The following ZNF648 variants were observed in gnomAD, a reference collection of about 807,000 sequenced individuals.
The protein encoded by ZNF648 is zinc finger protein 648.
A neutral mutation model predicts 0.3 loss-of-function variants in ZNF648; 1 was observed. The observed-to-expected ratio is 3.90, with a 90% CI of 1.39 to 18.51. ZNF648 has a LOEUF of 18.51. Ranked by LOEUF, ZNF648 falls within the 30% of genes most tolerant of loss-of-function variation. ZNF648 has a pLI of 0.11. For missense variants in ZNF648, 874 were observed against 769.7 expected (o/e 1.14, Z -1.60); for synonymous variants, 376 against 326.8 (o/e 1.15, Z -1.62).
At chr1:182,061,001 C>A (rs1190602901) in intron 1 of ZNF648, among the ~76,000 whole-genome samples, 1 of 152,158 alleles carries the variant, frequency 6.6e-6, no homozygotes, top group Non-Finnish European at 1.5e-5. Context: ...GCACACAGCC[C>A]TCCACTAGCT....
chr1:182,065,359 T>C (rs1666085172), upstream of ZNF648, among the ~76,000 whole-genome samples: 1 of 152,218 alleles, frequency 6.6e-6, no homozygotes, highest in Non-Finnish European at 1.5e-5. Context: ...CCAGAAGGCA[T>C]TCTTCTCCCT....
the ZNF648 span, among the ~76,000 whole-genome samples, chr1:182,067,686 A>C: frequency 6.6e-6 from 1 of 152,224 alleles, no homozygotes; most frequent in African/African-American, 2.4e-5. Context: ...ATTGCACTAT[A>C]GTGACCCTGC....
Position 182,056,482 on chromosome 1 carries a change from C to T in ZNF648, c.1529G>A (p.Gly510Asp), listed in dbSNP as rs1665911912. 1 of 1,613,862 alleles carries T rather than the reference C, an allele frequency of 6.2e-7. No individual in the cohort carries two copies. The highest frequency in any genetic ancestry group is 2.2e-5 in the East Asian group (1 of 44,858). The change falls in exon 2 of 2, where the codon GGC becomes GAC. Residue 510 changes from glycine (G) to aspartate (D), a missense_variant. Gly to Asp is a moderately conservative substitution (Grantham distance 94, BLOSUM62 -1). Transcript: ENST00000339948. The part of the protein sequence containing the change: ...GEKGFLCAEC[G>D]RAFRIASELA... ...CTCAGAGGCAATGCGGAAGGCCCTG[C>T]CGCACTCGGCACAGAGGAATCCCTT...
At position 182,056,544 on chromosome 1, in the gene ZNF648, C is replaced by T. The variant is rs749359766; in HGVS notation, c.1467G>A (p.Ser489=). The change falls in exon 2 of 2, where the codon TCG becomes TCA. Residue 489 remains serine (S), a synonymous_variant. Transcript: ENST00000339948. Reference sequence around the variant, plus strand: ...GGATCTGTTGGTGCCGCTTCAGGGTCGAAGAGCGGGCAAAGGCCTGGCCAC... The same window carrying T: ...GGATCTGTTGGTGCCGCTTCAGGGTTGAAGAGCGGGCAAAGGCCTGGCCAC... ...TQCGQAFARS[S]TLKRHQQIHS... 1 of 1,614,026 alleles carries T rather than the reference C, an allele frequency of 6.2e-7. No individual in the cohort carries two copies. Among genetic ancestry groups the T allele is most frequent in the Non-Finnish European group, 8.5e-7 (1 of 1,179,970 alleles).
At chr1:182,058,330 G>A (rs1665975466) in intron 1 of ZNF648, among the ~76,000 whole-genome samples, 1 of 152,144 alleles carries the variant, frequency 6.6e-6, no homozygotes, top group African/African-American at 2.4e-5. Flanking sequence ...TTTGCTGGGT[G>A]CCAGCTGTGC....
At chr1:182,058,450 C>T (rs534068956) in intron 1 of ZNF648, among the ~76,000 whole-genome samples, 3 of 152,274 alleles carry the variant, frequency 2.0e-5, no homozygotes, top group East Asian at 3.9e-4. Context: ...CCTCCTAAGA[C>T]ACTCTTACAG....
chr1:182,056,128 C>T lies in ZNF648; in HGVS notation c.*176G>A. On this transcript the variant is annotated 3_prime_UTR_variant, in exon 2 of 2. Coordinates refer to ENST00000339948, the MANE Select transcript of ZNF648 (RefSeq NM_001009992.1). ...CTCAGAACCACTGATGTGAAACCAC[C>T]CACCTGGGTGCTCTCTCGGTGGTGA... 1.2e-6 allele frequency: 1 copy of T among 846,082 alleles called. No homozygotes were observed. Among genetic ancestry groups the T allele is most frequent in the Admixed American group, 3.0e-5 (1 of 33,148 alleles). 52.4% of individuals were successfully genotyped at this position (846,082 alleles called of 1,614,324 possible). A position where few individuals can be genotyped will look rare whatever the true frequency, so the allele number is the denominator to read the frequency against.
At position 182,056,919 on chromosome 1, in the gene ZNF648, G is replaced by C. The variant is rs966823499; in HGVS notation, c.1092C>G (p.Phe364Leu). The C allele has an allele frequency of 6.2e-7, 1 of 1,606,012 alleles. No homozygotes were observed. The highest frequency in any genetic ancestry group is 8.5e-7 in the Non-Finnish European group (1 of 1,176,512). Residue 364 changes from phenylalanine to leucine, a missense_variant, in exon 2 of 2, where the codon TTC becomes TTG. Coordinates refer to ENST00000339948, the MANE Select transcript of ZNF648 (RefSeq NM_001009992.1). ...AGGTCAGGCCGCACTCGGAGCACGG[G>C]AAGGGCTTATTGTTGCTGTGCATGT... Reference protein sequence around the residue: ...QRNMHSNNKPFPCSECGLTFN... With the variant: ...QRNMHSNNKPLPCSECGLTFN...
chr1:182,056,877 C>T lies in ZNF648; in HGVS notation c.1134G>A (p.Ser378=). 6.3e-7 allele frequency: 1 copy of T among 1,575,856 alleles called. No individual in the cohort carries two copies. The highest frequency in any genetic ancestry group is 1.2e-5 in the South Asian group (1 of 86,952). ...ECGLTFNKPL[S]LLRHQRTHLG... ...GGTGCGTGCGCTGGTGGCGCAGCAG[C>T]GACAGCGGCTTGTTGAAGGTCAGGC... The change falls in exon 2 of 2, where the codon TCG becomes TCA. Residue 378 remains serine (S), a synonymous_variant. Coordinates refer to ENST00000339948, the MANE Select transcript of ZNF648 (RefSeq NM_001009992.1).
At chr1:182,059,606 C>T (rs1339298372) in intron 1 of ZNF648, among the ~76,000 whole-genome samples, 1 of 152,124 alleles carries the variant, frequency 6.6e-6, no homozygotes, top group Non-Finnish European at 1.5e-5. Flanking sequence ...TCTCAGCAAA[C>T]TTTAAGATAG....
In ZNF648 at chr1:182,057,728, C is replaced by G; in HGVS notation, c.283G>C (p.Val95Leu). The G allele has an allele frequency of 1.2e-6, 2 of 1,614,234 alleles. No homozygotes were observed. Among genetic ancestry groups the G allele is most frequent in the Non-Finnish European group, 1.7e-6 (2 of 1,180,058 alleles). Residue 95 changes from valine (V) to leucine (L), a missense_variant, in exon 2 of 2, where the codon GTG (valine) becomes CTG (leucine). Physicochemically the swap from Val to Leu is conservative, Grantham distance 32. Transcript: ENST00000339948. ...SSAGGMGQKP[V>L]EMSGKASWSR... ...CAACTGGCTTTCCCAGACATTTCCA[C>G]TGGTTTCTGCCCCATGCCCCCAGCA...
At chr1:182,068,539 G>A in the ZNF648 span, among the ~76,000 whole-genome samples, 14 of 152,310 alleles carry the variant, frequency 9.2e-5, no homozygotes, top group Non-Finnish European at 1.9e-4. Flanking sequence ...AATGAAGACT[G>A]TATCTCATAG....
chr1:182,054,730 TAC>T lies in ZNF648; in HGVS notation c.*1572_*1573del, dbSNP rs1454100101. 1.3e-5 allele frequency: 2 copies of T among 152,252 alleles called. No individual in the cohort carries two copies. Among genetic ancestry groups the T allele is most frequent in the Non-Finnish European group, 2.9e-5 (2 of 68,050 alleles). The allele number at this position is 152,252 out of a possible 1,614,324, so 9.4% of individuals were successfully genotyped here. A position where few individuals can be genotyped will look rare whatever the true frequency, so the allele number is the denominator to read the frequency against. On this transcript the variant is annotated 3_prime_UTR_variant, in exon 2 of 2. Coordinates refer to ENST00000339948, the MANE Select transcript of ZNF648 (RefSeq NM_001009992.1). The stretch of plus-strand genomic sequence containing the variant: ...TAGGATCACTCTAACTTTTACCTAC[TAC>T]TATCACTTCTATTTTGCCAATGCAG...
At chr1:182,059,597 C>T (rs892313051) in intron 1 of ZNF648, among the ~76,000 whole-genome samples, 2 of 152,136 alleles carry the variant, frequency 1.3e-5, no homozygotes, top group African/African-American at 4.8e-5. Flanking sequence ...ATTTATTCCT[C>T]TCAGCAAACT....
intron 1 of ZNF648, among the ~76,000 whole-genome samples, chr1:182,059,803 CAAA>C (rs11439786): frequency 7.3e-6 from 1 of 136,902 alleles, no homozygotes. Flanking sequence ...GACTACATCT[CAAA>C]AAAAAAAAAA....
At position 182,057,972 on chromosome 1, in the gene ZNF648, C is replaced by A. The variant is rs745846743; in HGVS notation, c.39G>T (p.Ala13=). 4 of 1,612,790 alleles carry A rather than the reference C, an allele frequency of 2.5e-6. No homozygotes were observed. The highest frequency in any genetic ancestry group is 3.4e-6 in the Non-Finnish European group (4 of 1,179,356). ...QVDSQDRWGE[A]SPLSSLTEEA... ...CCTCAGTCAAGCTGCTGAGAGGAGA[C>A]GCCTCTCCCCACCTGTCCTGGGAGT... Residue 13 remains alanine (A), a synonymous_variant, in exon 2 of 2, where the codon GCG becomes GCT. Transcript: ENST00000339948.
chr1:182,057,548 C>A lies in ZNF648; in HGVS notation c.463G>T (p.Ala155Ser). 3 of 1,614,210 alleles carry A rather than the reference C, an allele frequency of 1.9e-6. No individual in the cohort carries two copies. Among genetic ancestry groups the A allele is most frequent in the Non-Finnish European group, 2.5e-6 (3 of 1,180,038 alleles). The stretch of plus-strand genomic sequence containing the variant: ...ACATCCAAGACTGCGTCCTGGTTTG[C>A]CCCCGAGTATCCATCATCACCCGCA... Reference protein sequence around the residue: ...LPAGDDGYSGANQDAVLDVPP... With the variant: ...LPAGDDGYSGSNQDAVLDVPP... The change falls in exon 2 of 2, where the codon GCA becomes TCA. Residue 155 changes from alanine (A) to serine (S), a missense_variant. By Grantham distance (99) the Ala-to-Ser change is moderately conservative. Coordinates refer to ENST00000339948, the MANE Select transcript of ZNF648 (RefSeq NM_001009992.1).
Position 182,057,182 on chromosome 1 carries a change from T to A in ZNF648, c.829A>T (p.Lys277Ter), listed in dbSNP as rs1489698826. ...CCGCATAGCTCGCACGCGTAGCGCT[T>A]GGCGGCGCCGCCGCGCGTCTCCGCG... is the stretch of plus-strand genomic sequence containing the variant. ...SPAETRGGAAKRYACELCGKA... is the reference protein window; with the variant it reads ...SPAETRGGAA The change falls in exon 2 of 2, where the codon AAG becomes TAG. Residue 277 changes from lysine to a stop codon, truncating the protein, a stop_gained. Coordinates refer to ENST00000339948, the MANE Select transcript of ZNF648 (RefSeq NM_001009992.1). LOFTEE classifies it low-confidence loss of function (END_TRUNC). 1 of 1,583,508 alleles carries A rather than the reference T, an allele frequency of 6.3e-7. No individual in the cohort carries two copies. Among genetic ancestry groups the A allele is most frequent in the South Asian group, 1.1e-5 (1 of 89,516 alleles).
chr1:182,057,927 C>T lies in ZNF648; in HGVS notation c.84G>A (p.Met28Ile). 6 of 1,614,120 alleles carry T rather than the reference C, an allele frequency of 3.7e-6. No homozygotes were observed. The highest frequency in any genetic ancestry group is 5.1e-6 in the Non-Finnish European group (6 of 1,180,028). Residue 28 changes from methionine (M) to isoleucine (I), a missense_variant, in exon 2 of 2, where the codon ATG (methionine) becomes ATA (isoleucine). Physicochemically the swap from Met to Ile is conservative, Grantham distance 10. Coordinates refer to ENST00000339948, the MANE Select transcript of ZNF648 (RefSeq NM_001009992.1). ...SLTEEAHDTQ[M>I]LSMNLESDDE... ...CGTCACTCTCTAAGTTCATGCTCAG[C>T]ATCTGGGTGTCATGAGCTTCCTCAG...
Sources: allele counts gnomAD v4.1 joint callset (sites outside exome capture counted in the v4.1 genomes callset), GRCh38; gene constraint gnomAD v4.1.1; transcripts MANE v1.5; gene names NCBI Gene and HGNC (gene_info 2026-07-23, HGNC 2026-07-21).